Variants in CCDC154 observed in about 807,000 individuals in gnomAD.
CCDC154 encodes the protein coiled-coil domain-containing protein 154.
In CCDC154, 91 loss-of-function variants were observed where a neutral mutation model predicts 87.5. The ratio of observed to expected loss-of-function variants is 1.04; its 90% CI spans 0.88 to 1.24. CCDC154 has a LOEUF of 1.24. Ranked by LOEUF, CCDC154 falls within the 50% of genes most tolerant of loss-of-function variation. CCDC154 has a pLI of 0.00. For synonymous variants in CCDC154, 418 were observed against 400.4 expected, an observed-to-expected ratio of 1.04 and a Z score of -0.52; for missense variants, 903 against 879.2, an observed-to-expected ratio of 1.03 and a Z score of -0.34.
intron 11 of CCDC154, 132 bp downstream of exon 11, chr16:1,437,685 C>T (rs2038513953): frequency 8.7e-7 from 1 of 1,153,600 alleles, no homozygotes; most frequent in Non-Finnish European, 1.2e-6. Flanking sequence ...GCCCTGGGGA[C>T]AGTCGCTGGG....
intron 11 of CCDC154, 182 bp downstream of exon 11, chr16:1,437,635 C>T: frequency 2.8e-6 from 2 of 715,598 alleles, no homozygotes; most frequent in Non-Finnish European, 4.3e-6. Context: ...AGCGGCTGTC[C>T]TGCCCCACAC....
intron 16 of CCDC154, 43 bp from the exon 17 acceptor site, chr16:1,434,577 C>CCCCCCCAGGG: frequency 6.6e-7 from 1 of 1,514,624 alleles, no homozygotes; most frequent in Non-Finnish European, 8.8e-7. Context: ...CCCCGCCCCA[C>CCCCCCCAGGG]CCCCCATGGC....
rs2038478993 is a variant in CCDC154, at chr16:1,434,426, T to C, written c.1986A>G (p.Ser662=). The C allele has an allele frequency of 6.5e-7, 1 of 1,550,236 alleles. No homozygotes were observed. The highest frequency in any genetic ancestry group is 1.4e-5 in the African/African-American group (1 of 73,038). ...SQEQVQQLTP[S]LFIQK ...AGCACGTTTATTTCTGGATAAACAG[T>C]GAGGGTGTGAGCTGCTGCACCTGCT... The change falls in exon 17 of 17, where the codon TCA becomes TCG. Residue 662 remains serine (S), a synonymous_variant. Coordinates refer to ENST00000389176, the MANE Select transcript of CCDC154 (RefSeq NM_001143980.3).
In CCDC154 at chr16:1,436,724, C is replaced by G. The variant is rs1373810131; in HGVS notation, c.1378G>C (p.Val460Leu). The G allele has an allele frequency of 1.3e-6, 2 of 1,550,262 alleles. No individual in the cohort carries two copies. The highest frequency in any genetic ancestry group is 8.7e-7 in the Non-Finnish European group (1 of 1,146,958). The change falls in exon 12 of 17, where the codon GTG becomes CTG. Residue 460 changes from valine (V) to leucine (L), a missense_variant. Coordinates refer to ENST00000389176, the MANE Select transcript of CCDC154 (RefSeq NM_001143980.3). ...RKEVTEHLRG[V>L]REKVDGLPQQ... is the part of the protein sequence containing the mutation. ...GGGAGGCCATCCACCTTCTCCCGCA[C>G]CCCTCGCAGGTGTTCGGTCACCTCC...
chr16:1,439,341 C>G (rs915255061), intron 6 of CCDC154: 7 of 585,536 alleles, frequency 1.2e-5, no homozygotes, highest in Middle Eastern at 9.1e-4. Flanking sequence ...GTTTGTGAAG[C>G]ATGAGAAGGC....
chr16:1,441,495 A>G (rs1479525563), intron 6 of CCDC154, among the ~76,000 whole-genome samples: 1 of 152,142 alleles, frequency 6.6e-6, no homozygotes, highest in Non-Finnish European at 1.5e-5. Flanking sequence ...CCCCACCCAC[A>G]GCGGAGGCCC....
chr16:1,443,749 C>T (rs1031266756), intron 2 of CCDC154, 47 bp downstream of exon 2: 24 of 1,303,076 alleles, frequency 1.8e-5, no homozygotes, highest in East Asian at 5.4e-5. Flanking sequence ...GAGGCGGAGG[C>T]GGCGGCGACG....
At chr16:1,436,188 G>T in intron 13 of CCDC154, 102 bp from the exon 14 acceptor site, 1 of 1,000,792 alleles carries the variant, frequency 1.0e-6, no homozygotes, top group Non-Finnish European at 1.5e-6. Context: ...GGTTAAGGAG[G>T]CTCGAGGGGG....
In CCDC154 at chr16:1,436,062, C is replaced by T. The variant is rs967119013; in HGVS notation, c.1512G>A (p.Arg504=). 3 of 1,550,344 alleles carry T rather than the reference C, an allele frequency of 1.9e-6. No homozygotes were observed. The highest frequency in any genetic ancestry group is 2.4e-5 in the East Asian group (1 of 40,920). The change falls in exon 14 of 17, where the codon CGG becomes CGA. Residue 504 remains arginine (R), a synonymous_variant. Coordinates refer to ENST00000389176, the MANE Select transcript of CCDC154 (RefSeq NM_001143980.3). The stretch of plus-strand genomic sequence containing the variant: ...ATGATAGTAGCGTGGCCAGCTCCTG[C>T]CGCAGGGCCCCAACCTTGAACTCCC... ...KAREFKVGAL[R]QELATLLSSV...
rs1277260810 is a variant in CCDC154 at position 1,438,389 on chromosome 16, C to T, written c.1026-213G>A. 8.1e-6 allele frequency: 6 copies of T among 745,064 alleles called. No individual in the cohort carries two copies. The Admixed American group carries it at 1.5e-4, about 19-fold the overall frequency. 46.2% of individuals were successfully genotyped at this position (745,064 alleles called of 1,614,324 possible). On this transcript the variant is annotated intron_variant, in intron 9 of 16. Transcript: ENST00000389176. ...CCCACGGCCACCAAGACAGGGGTTC[C>T]CTCCCCATGGCCACAGCTGAGTGCC... is the stretch of plus-strand genomic sequence containing the variant.
chr16:1,442,988 A>C lies in CCDC154; in HGVS notation c.456-13T>G, dbSNP rs2038568085. On this transcript the variant is annotated splice_polypyrimidine_tract_variant and intron_variant, in intron 4 of 16. Coordinates refer to ENST00000389176, the MANE Select transcript of CCDC154 (RefSeq NM_001143980.3). ...GACCTCCACCAGCCTGGGACACAAC[A>C]AGCCATTCCCGAGAGGCCCAGGCGG... 2 of 1,549,916 alleles carry C rather than the reference A, an allele frequency of 1.3e-6. No individual in the cohort carries two copies. The highest frequency in any genetic ancestry group is 1.7e-6 in the Non-Finnish European group (2 of 1,146,776).
rs1297562304 is a variant in CCDC154, at chr16:1,438,544, C to A, written c.1025+75G>T. 3.0e-6 allele frequency: 4 copies of A among 1,341,078 alleles called. No individual in the cohort carries two copies. The East Asian group carries it at 7.5e-5, about 25-fold the overall frequency. 83.1% of individuals were successfully genotyped at this position (1,341,078 alleles called of 1,614,324 possible). A position where few individuals can be genotyped will look rare whatever the true frequency, so the allele number is the denominator to read the frequency against. ...GCAAGGTCATTCCCTGCTGAGTCGG[C>A]CACTGCGGCCCCCTCCTGAGTGGGA... On this transcript the variant is annotated intron_variant, in intron 9 of 16. Transcript: ENST00000389176.
chr16:1,438,744 G>C lies in CCDC154; in HGVS notation c.907-7C>G. 6.5e-7 allele frequency: 1 copy of C among 1,548,922 alleles called. No homozygotes were observed. The highest frequency in any genetic ancestry group is 1.2e-5 in the South Asian group (1 of 83,978). Reference sequence around the variant, plus strand: ...GCTCCAGGAGGTGGCTCTCCTGCCAGGGGGTGGAGGCCGCCCTGAGACCTG... The same window carrying C: ...GCTCCAGGAGGTGGCTCTCCTGCCACGGGGTGGAGGCCGCCCTGAGACCTG... On this transcript the variant is annotated splice_polypyrimidine_tract_variant and splice_region_variant and intron_variant, in intron 8 of 16. Coordinates refer to ENST00000389176, the MANE Select transcript of CCDC154 (RefSeq NM_001143980.3).
Position 1,438,945 on chromosome 16 carries a change from T to A in CCDC154, c.778-2A>T. On this transcript the variant is annotated splice_acceptor_variant, in intron 7 of 16. Transcript: ENST00000389176. LOFTEE classifies it high-confidence loss of function. ...TGAGCTCTCCGAGGCCTTCATTCTC[T>A]GTGGGGAGACCCCACTGTCAGCTGC... 6.5e-7 allele frequency: 1 copy of A among 1,549,044 alleles called. No homozygotes were observed. Among genetic ancestry groups the A allele is most frequent in the Non-Finnish European group, 8.7e-7 (1 of 1,146,146 alleles).
intron 6 of CCDC154, among the ~76,000 whole-genome samples, chr16:1,441,807 G>A (rs2063141783): frequency 6.6e-6 from 1 of 152,206 alleles, no homozygotes; most frequent in South Asian, 2.1e-4. Flanking sequence ...GTCTCGCTGT[G>A]TTGCCCAGGC....
intron 16 of CCDC154, 57 bp from the exon 17 acceptor site, chr16:1,434,591 CCTG>C (rs1181668561): frequency 1.3e-6 from 2 of 1,518,316 alleles, no homozygotes; most frequent in Non-Finnish European, 1.8e-6. Flanking sequence ...CCATGGCCCA[CCTG>C]CTGCCTGTGG....
chr16:1,435,587 G>A (rs1401448731), intron 14 of CCDC154, among the ~76,000 whole-genome samples: 19 of 152,180 alleles, frequency 1.2e-4, no homozygotes, highest in Admixed American at 1.2e-3. Context: ...ATGCAATGGC[G>A]CGATCTTGGC....
chr16:1,435,918 C>T (rs967512538), intron 14 of CCDC154, 51 bp downstream of exon 14: 20 of 1,466,030 alleles, frequency 1.4e-5, no homozygotes, highest in Non-Finnish European at 1.9e-5. Context: ...CCCGTCTGAA[C>T]CTGATGGCTC....
At position 1,444,493 on chromosome 16, in the gene CCDC154, G is replaced by A. The variant is rs2038593000; in HGVS notation, c.-171C>T. On this transcript the variant is annotated 5_prime_UTR_variant, in exon 1 of 17. Transcript: ENST00000389176. The stretch of plus-strand genomic sequence containing the variant: ...CTGCCCTCGTCTGGCTGCCTTCTCA[G>A]GGTCCCCAGGGAGGCAGGTGTGGGG... 1.8e-6 allele frequency: 1 copy of A among 564,964 alleles called. No homozygotes were observed. Among genetic ancestry groups the A allele is most frequent in the Non-Finnish European group, 2.7e-6 (1 of 374,024 alleles). 35.0% of individuals were successfully genotyped at this position (564,964 alleles called of 1,614,324 possible).
Sources: allele counts gnomAD v4.1 joint callset (sites outside exome capture counted in the v4.1 genomes callset), GRCh38; gene constraint gnomAD v4.1.1; transcripts MANE v1.5; gene names NCBI Gene and HGNC (gene_info 2026-07-23, HGNC 2026-07-21).